MBTD1: variants seen among roughly 807,000 people sequenced by gnomAD.
MBTD1 encodes the protein mbt domain containing 1.
MBTD1 carries 24 observed loss-of-function variants against 87.8 expected under a neutral mutation model. The observed-to-expected ratio is 0.27, with a 90% CI of 0.20 to 0.38. The LOEUF is 0.38. Among genes scored for constraint, MBTD1 ranks in the 10% least tolerant of loss-of-function variants. The probability of loss-of-function intolerance (pLI) is 1.00; values close to 1 mark genes in which losing one functional copy is unlikely to be tolerated. For missense variants in MBTD1, 436 were observed against 760.2 expected, an observed-to-expected ratio of 0.57 and a Z score of 5.02; for synonymous variants, 237 against 248.6, an observed-to-expected ratio of 0.95 and a Z score of 0.44.
At chr17:51,238,166 A>G (rs989913255) in intron 2 of MBTD1, among the ~76,000 whole-genome samples, 3 of 152,104 alleles carry the variant, frequency 2.0e-5, no homozygotes, top group Non-Finnish European at 4.4e-5. Flanking sequence ...TACTACCTAG[A>G]TTGTGGTGAA....
At chr17:51,220,186 G>A in intron 4 of MBTD1, 144 bp downstream of exon 4, 4 of 677,068 alleles carry the variant, frequency 5.9e-6, no homozygotes, top group Non-Finnish European at 9.0e-6. Flanking sequence ...CAAACTTTGG[G>A]GCTCACATGT....
chr17:51,225,256 C>T, intron 2 of MBTD1, 47 bp from the exon 3 acceptor site: 2 of 1,092,386 alleles, frequency 1.8e-6, no homozygotes, highest in Non-Finnish European at 2.5e-6. Context: ...CACTCATACA[C>T]ACCCCCTAAA....
upstream of MBTD1, chr17:51,260,419 A>AGGGGAGC (rs2055406465): frequency 1.4e-6 from 1 of 700,152 alleles, no homozygotes; most frequent in Admixed American, 3.2e-5. Flanking sequence ...GGGGCTGGGT[A>AGGGGAGC]GGGGAGCGGG....
chr17:51,213,447 C>T (rs1176303160), intron 6 of MBTD1, among the ~76,000 whole-genome samples: 5 of 152,092 alleles, frequency 3.3e-5, no homozygotes, highest in South Asian at 4.2e-4. Flanking sequence ...CTATACATTG[C>T]ACCTAACTGG....
intron 2 of MBTD1, among the ~76,000 whole-genome samples, chr17:51,252,906 T>C (rs926347481): frequency 2.0e-5 from 3 of 152,032 alleles, no homozygotes; most frequent in Non-Finnish European, 2.9e-5. Context: ...CTAAAATTCA[T>C]ATACTAAATA....
chr17:51,200,478 G>A (rs1414607594), intron 12 of MBTD1, among the ~76,000 whole-genome samples: 1 of 139,898 alleles, frequency 7.1e-6, no homozygotes, highest in African/African-American at 2.7e-5. Context: ...TGAAGTGGGA[G>A]AATTGCTTGA....
At chr17:51,195,098 C>T (rs1223818912) in intron 13 of MBTD1, 116 bp downstream of exon 13, 1 of 774,400 alleles carries the variant, frequency 1.3e-6, no homozygotes. Flanking sequence ...ATATGTTTAT[C>T]CACACACATT....
At chr17:51,188,963 G>C (rs973424947) in intron 16 of MBTD1, among the ~76,000 whole-genome samples, 1 of 151,928 alleles carries the variant, frequency 6.6e-6, no homozygotes, top group Non-Finnish European at 1.5e-5. Flanking sequence ...TCTCCATGTT[G>C]GTCAGGCTGG....
intron 6 of MBTD1, among the ~76,000 whole-genome samples, chr17:51,215,801 T>C (rs1391017776): frequency 6.6e-6 from 1 of 152,118 alleles, no homozygotes; most frequent in South Asian, 2.1e-4. Context: ...AATTAGCAAA[T>C]TAACCTGCTT....
Position 51,259,940 on chromosome 17 carries a change from G to T in MBTD1, c.-218C>A. ...GCTGGGGGCAGGTGCCTCTCCCCGGGACTGCGGCGACTACAGGGGGCCCCC... is the reference window on the plus strand; with the variant it reads ...GCTGGGGGCAGGTGCCTCTCCCCGGTACTGCGGCGACTACAGGGGGCCCCC... On this transcript the variant is annotated 5_prime_UTR_variant, in exon 1 of 17. Coordinates refer to ENST00000586178, the MANE Select transcript of MBTD1 (RefSeq NM_017643.3). 3 of 1,182,558 alleles carry T rather than the reference G, an allele frequency of 2.5e-6. No homozygotes were observed. Among genetic ancestry groups the T allele is most frequent in the Non-Finnish European group, 3.2e-6 (3 of 942,798 alleles). The allele number at this position is 1,182,558 out of a possible 1,614,324, so 73.3% of individuals were successfully genotyped here.
chr17:51,196,694 C>G (rs2145132866), intron 12 of MBTD1, among the ~76,000 whole-genome samples: 1 of 151,624 alleles, frequency 6.6e-6, no homozygotes, highest in African/African-American at 2.4e-5. Flanking sequence ...AGTTTGAGAC[C>G]AGACTGGCCA....
At chr17:51,242,983 T>C (rs540242859) in intron 2 of MBTD1, among the ~76,000 whole-genome samples, 1 of 152,324 alleles carries the variant, frequency 6.6e-6, no homozygotes, top group East Asian at 1.9e-4. Context: ...AATCTCTCGT[T>C]TCAACATTTA....
chr17:51,220,565 A>T, intron 3 of MBTD1, 102 bp from the exon 4 acceptor site: 1 of 1,156,622 alleles, frequency 8.6e-7, no homozygotes, highest in Non-Finnish European at 1.2e-6. Context: ...AGTTTTAATT[A>T]AAAAATTTGC....
intron 12 of MBTD1, among the ~76,000 whole-genome samples, chr17:51,199,916 C>T (rs578203383): frequency 2.0e-5 from 3 of 152,032 alleles, no homozygotes; most frequent in African/African-American, 7.3e-5. Flanking sequence ...CCTCCACCTC[C>T]CGGGTTCAAG....
At chr17:51,195,001 G>A (rs1307514570) in intron 13 of MBTD1, among the ~76,000 whole-genome samples, 1 of 152,110 alleles carries the variant, frequency 6.6e-6, no homozygotes, top group Non-Finnish European at 1.5e-5. Context: ...CAGATGCTCA[G>A]GAAAAATTCT....
intron 7 of MBTD1, among the ~76,000 whole-genome samples, chr17:51,204,474 A>T (rs1568173621): frequency 7.1e-6 from 1 of 141,496 alleles, no homozygotes; most frequent in African/African-American, 2.5e-5. Flanking sequence ...TACATATTAT[A>T]TATTTATTTA....
At chr17:51,222,372 T>A (rs539910018) in intron 3 of MBTD1, among the ~76,000 whole-genome samples, 1 of 152,316 alleles carries the variant, frequency 6.6e-6, no homozygotes, top group East Asian at 1.9e-4. Context: ...AAATTTCAGC[T>A]GGAGTAGAAG....
chr17:51,221,340 C>T (rs2052878339), intron 3 of MBTD1, among the ~76,000 whole-genome samples: 1 of 152,030 alleles, frequency 6.6e-6, no homozygotes, highest in Non-Finnish European at 1.5e-5. Flanking sequence ...AAAAACAAAA[C>T]AAGTTTGACG....
chr17:51,249,430 T>C (rs757325244), intron 2 of MBTD1: 1 of 152,356 alleles, frequency 6.6e-6, no homozygotes, highest in Non-Finnish European at 1.5e-5. Context: ...ATACAGATTG[T>C]TGCTGTGTTA....
Sources: allele counts gnomAD v4.1 joint callset (sites outside exome capture counted in the v4.1 genomes callset), GRCh38; gene constraint gnomAD v4.1.1; transcripts MANE v1.5; gene names NCBI Gene and HGNC (gene_info 2026-07-23, HGNC 2026-07-21).